Variants in BIK observed in about 807,000 individuals in gnomAD.
The protein encoded by BIK is bcl-2-interacting killer.
In BIK, 14 loss-of-function variants were observed where a neutral mutation model predicts 12.1. The ratio of observed to expected loss-of-function variants is 1.16; its 90% confidence interval spans 0.77 to 1.81. The LOEUF (loss-of-function observed/expected upper bound fraction) is 1.81, where lower values mean the gene tolerates loss of function less well. BIK is among the 40% of genes most tolerant of loss of function. BIK has a pLI of 0.00. For missense variants in BIK, 215 were observed against 207.9 expected, an observed-to-expected ratio of 1.03 and a Z score of -0.21; for synonymous variants, 86 against 92.3, an observed-to-expected ratio of 0.93 and a Z score of 0.39.
Position 43,128,467 on chromosome 22 carries a change from C to T in BIK, c.261-29C>T, listed in dbSNP as rs775731552. Reference sequence around the variant, plus strand: ...CCCCTACCTGCTCCTGCAGTAATGGCTTTGTCCCCCCATCCTCTTTGTCTA... The same window carrying T: ...CCCCTACCTGCTCCTGCAGTAATGGTTTTGTCCCCCCATCCTCTTTGTCTA... On this transcript the variant is annotated intron_variant, in intron 3 of 4. Coordinates refer to ENST00000216115, the MANE Select transcript of BIK (RefSeq NM_001197.5). 1.9e-6 allele frequency: 3 copies of T among 1,577,342 alleles called. No individual in the cohort carries two copies. The South Asian group carries it at 3.3e-5, about 18-fold the overall frequency.
Position 43,129,404 on chromosome 22 carries a change from T to G in BIK, c.*99T>G. ...TATCTTTTTAACTGTTTTCTCATGATGCCTTTTTATATTTAAACCCCGAGA... is the reference window on the plus strand; with the variant it reads ...TATCTTTTTAACTGTTTTCTCATGAGGCCTTTTTATATTTAAACCCCGAGA... On this transcript the variant is annotated 3_prime_UTR_variant, in exon 5 of 5. Coordinates refer to ENST00000216115, the MANE Select transcript of BIK (RefSeq NM_001197.5). The G allele has an allele frequency of 1.0e-5, 15 of 1,453,826 alleles. No homozygotes were observed. In the South Asian group the frequency reaches 2.1e-4, roughly 20 times the overall value. 90.1% of individuals were successfully genotyped at this position (1,453,826 alleles called of 1,614,324 possible).
chr22:43,118,439 A>G (rs905975971), intron 1 of BIK, among the ~76,000 whole-genome samples: 1 of 152,198 alleles, frequency 6.6e-6, no homozygotes, highest in Non-Finnish European at 1.5e-5. Context: ...TGCAAGGCTC[A>G]GAGGTGAGCT....
At chr22:43,123,853 C>G (rs1279941089) in intron 1 of BIK, among the ~76,000 whole-genome samples, 163 bp from the exon 2 acceptor site, 1 of 152,110 alleles carries the variant, frequency 6.6e-6, no homozygotes, top group East Asian at 1.9e-4. Flanking sequence ...CAGCATGTAG[C>G]AGGATTCATG....
At chr22:43,112,546 C>A (rs948942291) in intron 1 of BIK, among the ~76,000 whole-genome samples, 1 of 151,456 alleles carries the variant, frequency 6.6e-6, no homozygotes, top group Non-Finnish European at 1.5e-5. Flanking sequence ...GCTGGGATTA[C>A]AGACGTGAGC....
intron 1 of BIK, among the ~76,000 whole-genome samples, chr22:43,118,454 G>A (rs896030960): frequency 6.6e-6 from 1 of 152,224 alleles, no homozygotes; most frequent in African/African-American, 2.4e-5. Context: ...TGAGCTGGTT[G>A]TTCTGCCTCA....
At chr22:43,127,923 T>G in intron 3 of BIK, 128 bp downstream of exon 3, 1 of 889,388 alleles carries the variant, frequency 1.1e-6, no homozygotes, top group Non-Finnish European at 1.7e-6. Context: ...ACACTGGGGC[T>G]ATACTGAAAC....
At chr22:43,116,463 CA>C (rs1375933785) in intron 1 of BIK, among the ~76,000 whole-genome samples, 1 of 140,818 alleles carries the variant, frequency 7.1e-6, no homozygotes, top group African/African-American at 2.7e-5. Context: ...GTATTAAATG[CA>C]TTTTTTTTTT....
chr22:43,120,367 T>C (rs1252609546), intron 1 of BIK, among the ~76,000 whole-genome samples: 1 of 152,224 alleles, frequency 6.6e-6, no homozygotes, highest in African/African-American at 2.4e-5. Context: ...TTTGTATTTT[T>C]AGTGGAGATG....
chr22:43,113,621 T>TC (rs1930053504), intron 1 of BIK, among the ~76,000 whole-genome samples: 1 of 152,042 alleles, frequency 6.6e-6, no homozygotes, highest in Non-Finnish European at 1.5e-5. Context: ...CGTGTACTTT[T>TC]TTTTTCCCCC....
chr22:43,117,469 A>C (rs1219484280), intron 1 of BIK, among the ~76,000 whole-genome samples: 1 of 151,640 alleles, frequency 6.6e-6, no homozygotes, highest in Non-Finnish European at 1.5e-5. Context: ...CCAGGGTTCA[A>C]GCCATTCTCC....
In BIK at chr22:43,129,421, AC is replaced by A. The variant is rs1930396086; in HGVS notation, c.*120del. ...TCTCATGATGCCTTTTTATATTTAA[AC>A]CCCGAGATAGTGCTGGAACACTGCT... On this transcript the variant is annotated 3_prime_UTR_variant, in exon 5 of 5. Transcript: ENST00000216115. The A allele has an allele frequency of 2.1e-6, 3 of 1,403,658 alleles. No individual in the cohort carries two copies. Among genetic ancestry groups the A allele is most frequent in the Non-Finnish European group, 2.8e-6 (3 of 1,071,266 alleles). The allele number at this position is 1,403,658 out of a possible 1,614,324, so 87.0% of individuals were successfully genotyped here. A position where few individuals can be genotyped will look rare whatever the true frequency, so the allele number is the denominator to read the frequency against.
At chr22:43,112,922 G>C (rs897510719) in intron 1 of BIK, among the ~76,000 whole-genome samples, 5 of 151,660 alleles carry the variant, frequency 3.3e-5, no homozygotes, top group Non-Finnish European at 7.4e-5. Context: ...AGGAGCATTA[G>C]GCTGGGCATG....
At chr22:43,120,432 C>T (rs1930198132) in intron 1 of BIK, among the ~76,000 whole-genome samples, 1 of 152,234 alleles carries the variant, frequency 6.6e-6, no homozygotes, top group African/African-American at 2.4e-5. Context: ...AGGTGATCCA[C>T]CTGCCTCCAC....
chr22:43,126,725 T>C (rs528294932), intron 2 of BIK, among the ~76,000 whole-genome samples: 23 of 152,136 alleles, frequency 1.5e-4, no homozygotes, highest in African/African-American at 4.8e-4. Flanking sequence ...TCAGGATTTT[T>C]AGTCATTAAG....
Position 43,127,779 on chromosome 22 carries a change from G to C in BIK, c.244G>C (p.Glu82Gln). ...LRAPRLAQLS[E>Q]VAMHSLGLAF... ...GGCCCCGCGCCTGGCCCAGCTCTCCGAGGTGGCCATGCACAGGTAGCCGGC... is the reference window on the plus strand; with the variant it reads ...GGCCCCGCGCCTGGCCCAGCTCTCCCAGGTGGCCATGCACAGGTAGCCGGC... Residue 82 changes from glutamate (E) to glutamine (Q), a missense_variant, in exon 3 of 5, where the codon GAG becomes CAG. Glu to Gln is a conservative substitution (Grantham distance 29). Coordinates refer to ENST00000216115, the MANE Select transcript of BIK (RefSeq NM_001197.5). 1 of 1,551,854 alleles carries C rather than the reference G, an allele frequency of 6.4e-7. No homozygotes were observed. The highest frequency in any genetic ancestry group is 1.2e-5 in the South Asian group (1 of 84,146).
chr22:43,124,617 C>G (rs565910045), intron 2 of BIK, among the ~76,000 whole-genome samples: 1 of 152,198 alleles, frequency 6.6e-6, no homozygotes, highest in African/African-American at 2.4e-5. Context: ...TTGGGCCACA[C>G]GCAGTGGCTC....
At chr22:43,129,097 C>G in intron 4 of BIK, 116 bp from the exon 5 acceptor site, 1 of 1,555,898 alleles carries the variant, frequency 6.4e-7, no homozygotes. Context: ...CTGGTCCCCT[C>G]GAGCTCCTTC....
In BIK at chr22:43,116,777, T is replaced by A. The variant is rs370391300; in HGVS notation, c.-8+5974T>A. Among the ~76,000 whole-genome samples, 12 of 152,222 alleles carry A rather than the reference T, an allele frequency of 7.9e-5. No homozygotes were observed. In the East Asian group the frequency reaches 2.1e-3, roughly 27 times the overall value. ...CGGCCTGGTGAAACCCCGTCTTTACTAAAAATACAAAATTAGCCAGGTGTG... is the reference window on the plus strand; with the variant it reads ...CGGCCTGGTGAAACCCCGTCTTTACAAAAAATACAAAATTAGCCAGGTGTG... On this transcript the variant is annotated intron_variant, in intron 1 of 4. Coordinates refer to ENST00000216115, the MANE Select transcript of BIK (RefSeq NM_001197.5).
At chr22:43,119,306 G>A (rs1454447062) in intron 1 of BIK, among the ~76,000 whole-genome samples, 1 of 151,974 alleles carries the variant, frequency 6.6e-6, no homozygotes, top group Non-Finnish European at 1.5e-5. Flanking sequence ...GAAAAAAAAA[G>A]ATAATAAAAA....
Sources: allele counts gnomAD v4.1 joint callset (sites outside exome capture counted in the v4.1 genomes callset), GRCh38; gene constraint gnomAD v4.1.1; transcripts MANE v1.5; gene names NCBI Gene and HGNC (gene_info 2026-07-23, HGNC 2026-07-21).